Variants in MACROD2 observed in about 807,000 individuals in gnomAD.
MACROD2 encodes the protein mono-ADP ribosylhydrolase 2, also known as ADP-ribose glycohydrolase MACROD2.
In MACROD2, 36 loss-of-function variants were observed where a neutral mutation model predicts 70.4. The ratio of observed to expected loss-of-function variants is 0.51; its 90% confidence interval spans 0.39 to 0.68. MACROD2 has a LOEUF of 0.68. Among genes scored for constraint, MACROD2 ranks in the 30% least tolerant of loss-of-function variants. The probability of loss-of-function intolerance (pLI) is 0.00; values close to 1 mark genes in which losing one functional copy is unlikely to be tolerated. For synonymous variants in MACROD2, 172 were observed against 178.8 expected, an observed-to-expected ratio of 0.96 and a Z score of 0.30; for missense variants, 496 against 538.4, an observed-to-expected ratio of 0.92 and a Z score of 0.78.
intron 3 of MACROD2, among the ~76,000 whole-genome samples, chr20:14,320,663 A>ATTTTTTTTTTTTTTTTTTTTTTTTT (rs11087086): frequency 8.1e-6 from 1 of 123,662 alleles, no homozygotes. Flanking sequence ...CACCTTTGGA[A>ATTTTTTTTTTTTTTTTTTTTTTTTT]TTTTTTTTTT....
intron 5 of MACROD2, among the ~76,000 whole-genome samples, chr20:14,991,767 C>T (rs6105349): frequency 2.6e-5 from 4 of 152,196 alleles, no homozygotes; most frequent in African/African-American, 9.6e-5. Context: ...AATCTCTAGA[C>T]TTGGGCTGTC....
intron 3 of MACROD2, among the ~76,000 whole-genome samples, chr20:14,257,947 C>A (rs1415345483): frequency 6.6e-5 from 10 of 152,310 alleles, no homozygotes. Flanking sequence ...TTTGCATCCT[C>A]ATAGCTTGGC....
intron 5 of MACROD2, among the ~76,000 whole-genome samples, chr20:15,095,058 C>CTTTTTTTTTTTTT (rs1568570303): frequency 6.9e-5 from 4 of 58,022 alleles, no homozygotes; most frequent in African/African-American, 2.7e-4. Context: ...ACTGTGGTCT[C>CTTTTTTTTTTTTT]CTCTTCTTTT....
intron 4 of MACROD2, among the ~76,000 whole-genome samples, chr20:14,678,772 G>A (rs1377692903): frequency 1.3e-5 from 2 of 152,152 alleles, no homozygotes; most frequent in African/African-American, 2.4e-5. Flanking sequence ...GTTTTCTGCA[G>A]ATTGAACTAG....
chr20:14,669,342 T>C (rs1380491297), intron 4 of MACROD2, among the ~76,000 whole-genome samples: 1 of 152,212 alleles, frequency 6.6e-6, no homozygotes, highest in African/African-American at 2.4e-5. Context: ...CAAATATACA[T>C]ACACAGACAG....
intron 4 of MACROD2, among the ~76,000 whole-genome samples, chr20:14,511,513 T>C (rs2085029738): frequency 6.6e-6 from 1 of 152,080 alleles, no homozygotes; most frequent in African/African-American, 2.4e-5. Flanking sequence ...TTTTTGGATA[T>C]TTTACTCCTG....
rs2067434726 is a variant in MACROD2 at position 16,049,842 on chromosome 20, A to G, written c.1313A>G (p.Asp438Gly). 9 of 1,609,436 alleles carry G rather than the reference A, an allele frequency of 5.6e-6. No individual in the cohort carries two copies. Among genetic ancestry groups the G allele is most frequent in the South Asian group, 1.1e-5 (1 of 90,966 alleles). ...TCTTTGTCTTCAGCAGGGGCACAAG[A>G]TGAAGCGAAGGAACAAAGAAATGGA... ...QEDQLIAGAQDEAKEQRNGTK is the reference protein window; with the variant it reads ...QEDQLIAGAQGEAKEQRNGTK The change falls in exon 18 of 18, where the codon GAT becomes GGT. Residue 438 changes from aspartate (D) to glycine (G), a missense_variant. Physicochemically the swap from Asp to Gly is moderately conservative, Grantham distance 94. Coordinates refer to ENST00000684519, the MANE Select transcript of MACROD2 (RefSeq NM_001351661.2).
chr20:14,965,258 A>G (rs1423662175), intron 5 of MACROD2, among the ~76,000 whole-genome samples: 2 of 152,092 alleles, frequency 1.3e-5, no homozygotes, highest in Non-Finnish European at 2.9e-5. Flanking sequence ...AGTAACATCA[A>G]TATTTGAAGT....
intron 5 of MACROD2, among the ~76,000 whole-genome samples, chr20:14,750,596 A>C (rs1236825453): frequency 1.3e-5 from 2 of 152,058 alleles, no homozygotes; most frequent in East Asian, 1.9e-4. Flanking sequence ...AGTAACTGGG[A>C]CTACAGGTGC....
chr20:16,017,419 T>A (rs1414865744), intron 15 of MACROD2, among the ~76,000 whole-genome samples: 2 of 152,204 alleles, frequency 1.3e-5, no homozygotes, highest in East Asian at 3.8e-4. Flanking sequence ...TTACTAGCAA[T>A]CATTTTTGGT....
intron 3 of MACROD2, among the ~76,000 whole-genome samples, chr20:14,129,457 A>G (rs977357554): frequency 2.6e-5 from 4 of 152,250 alleles, no homozygotes; most frequent in African/African-American, 9.6e-5. Flanking sequence ...GTTTCTTGAG[A>G]TGGAATCTAG....
chr20:15,474,233 G>T (rs2046994051), intron 7 of MACROD2, among the ~76,000 whole-genome samples: 1 of 152,112 alleles, frequency 6.6e-6, no homozygotes, highest in African/African-American at 2.4e-5. Flanking sequence ...CAACTTCATG[G>T]TTGATTTATG....
At chr20:14,283,908 C>A (rs2082325198) in intron 3 of MACROD2, among the ~76,000 whole-genome samples, 2 of 152,172 alleles carry the variant, frequency 1.3e-5, no homozygotes, top group African/African-American at 4.8e-5. Flanking sequence ...CTGTTAGTTT[C>A]TCCAGGAAAG....
chr20:14,452,213 A>AT (rs1449028150), intron 3 of MACROD2, among the ~76,000 whole-genome samples: 1 of 152,000 alleles, frequency 6.6e-6, no homozygotes, highest in African/African-American at 2.4e-5. Flanking sequence ...TAAGAAATTA[A>AT]TTTTTTTCTT....
rs575160768 is a variant in MACROD2 at position 14,358,901 on chromosome 20, G to A, written c.272-134578G>A. Among the ~76,000 whole-genome samples, 35 of 152,252 alleles carry A rather than the reference G, an allele frequency of 2.3e-4. 1 individual carries two copies. The highest frequency in any genetic ancestry group is 6.5e-4 in the Admixed American group (10 of 15,298). On this transcript the variant is annotated intron_variant, in intron 3 of 17. Transcript: ENST00000684519. ...CAGATAAGTTTTTGAAAAAATTGTA[G>A]TGAGGCCAGGCATGGTGGCTCATGC...
At chr20:15,391,425 C>T (rs2045790141) in intron 6 of MACROD2, among the ~76,000 whole-genome samples, 1 of 152,194 alleles carries the variant, frequency 6.6e-6, no homozygotes, top group Non-Finnish European at 1.5e-5. Flanking sequence ...TTGTTAAGCC[C>T]TTGAACAGGT....
intron 7 of MACROD2, among the ~76,000 whole-genome samples, chr20:15,490,181 T>TCCTTCCTTTCTTCCTCCCTCCC (rs2047211920): frequency 6.8e-6 from 1 of 146,202 alleles, no homozygotes; most frequent in African/African-American, 2.5e-5. Context: ...TTTCCTTCCT[T>TCCTTCCTTTCTTCCTCCCTCCC]CCTTCCTTTC....
chr20:14,600,987 C>G (rs532408404), intron 4 of MACROD2, among the ~76,000 whole-genome samples: 1 of 152,158 alleles, frequency 6.6e-6, no homozygotes, highest in African/African-American at 2.4e-5. Context: ...TAAATGGAAG[C>G]CTCTGTCTTG....
intron 8 of MACROD2, among the ~76,000 whole-genome samples, chr20:15,517,811 G>A (rs901571997): frequency 1.6e-4 from 24 of 152,302 alleles, no homozygotes; most frequent in African/African-American, 5.5e-4. Flanking sequence ...AGGCTCATAG[G>A]ACTCTTTTTG....
Sources: gnomAD v4.1 joint callset for allele counts (sites outside exome capture counted in the v4.1 genomes callset) on GRCh38, gnomAD v4.1.1 for gene constraint, MANE v1.5 for transcripts, NCBI Gene and HGNC (gene_info 2026-07-23, HGNC 2026-07-21) for gene names.